TRIP11: variants seen among roughly 807,000 people sequenced by gnomAD.
The protein encoded by TRIP11 is thyroid hormone receptor interactor 11, also known as thyroid receptor-interacting protein 11.
A neutral mutation model predicts 223.1 loss-of-function variants in TRIP11; 148 were observed. The ratio of observed to expected loss-of-function variants is 0.66; its 90% CI spans 0.58 to 0.76. The LOEUF is 0.76. TRIP11 is among the 30% of genes least tolerant of loss of function. The probability of loss-of-function intolerance (pLI) is 0.00; values close to 1 mark genes in which losing one functional copy is unlikely to be tolerated. For missense variants in TRIP11, 2,043 were observed against 2,222.0 expected (o/e 0.92, Z 1.62); for synonymous variants, 762 against 772.6 (o/e 0.99, Z 0.23).
chr14:92,029,647 C>G (rs2057238580), intron 2 of TRIP11, among the ~76,000 whole-genome samples: 1 of 148,534 alleles, frequency 6.7e-6, no homozygotes, highest in Non-Finnish European at 1.5e-5. Context: ...CAGCTGTCTA[C>G]AGACACCACT....
rs1251996329 is a variant in TRIP11 at position 91,999,332 on chromosome 14, C to G, written c.4800G>C (p.Leu1600Phe). 6 of 1,613,756 alleles carry G rather than the reference C, an allele frequency of 3.7e-6. No individual in the cohort carries two copies. Among genetic ancestry groups the G allele is most frequent in the Non-Finnish European group, 5.1e-6 (6 of 1,179,914 alleles). The change falls in exon 13 of 21, where the codon TTG (leucine) becomes TTC (phenylalanine). Residue 1600 changes from leucine (L) to phenylalanine (F), a missense_variant. Physicochemically the swap from Leu to Phe is conservative, Grantham distance 22 (BLOSUM62 0). Coordinates refer to ENST00000267622, the MANE Select transcript of TRIP11 (RefSeq NM_004239.4). ...ESEDSYTREA[L>F]AAEDREAKLR... ...GTTTAGCCTCTCTATCTTCTGCAGC[C>G]AAAGCTTCACGGGTATAAGAATCTT... is the stretch of plus-strand genomic sequence containing the variant.
At chr14:92,014,700 A>G (rs1566866211) in intron 6 of TRIP11, 123 bp from the exon 7 acceptor site, 1 of 1,044,316 alleles carries the variant, frequency 9.6e-7, no homozygotes, top group Non-Finnish European at 1.3e-6. Context: ...TTAAATTACT[A>G]TAATAAACTA....
At chr14:91,996,449 A>G (rs904395692) in intron 13 of TRIP11, among the ~76,000 whole-genome samples, 1 of 152,150 alleles carries the variant, frequency 6.6e-6, no homozygotes, top group Non-Finnish European at 1.5e-5. Context: ...GGCCAAGGCA[A>G]AAGGACTGTT....
chr14:92,006,240 TGCTTGGTTAAATGTAAATCATTTAGG>T lies in TRIP11; in HGVS notation c.1710_1735del (p.Leu571GlufsTer3), dbSNP rs775189690. 6.2e-6 allele frequency: 10 copies of T among 1,613,034 alleles called. No homozygotes were observed. Among genetic ancestry groups the T allele is most frequent in the Non-Finnish European group, 6.8e-6 (8 of 1,179,762 alleles). On this transcript the variant is annotated frameshift_variant, in exon 11 of 21. Coordinates refer to ENST00000267622, the MANE Select transcript of TRIP11 (RefSeq NM_004239.4). LOFTEE classifies it high-confidence loss of function. ...ATTTTCTACTTTGTCCTCAAGTTTC[TGCTTGGTTAAATGTAAATCATTTAGG>T]GCCACTTCACTTTGAATTAGCTTTT... is the stretch of plus-strand genomic sequence containing the variant.
chr14:92,015,606 C>A (rs578133379), intron 6 of TRIP11, 90 bp downstream of exon 6: 68 of 1,137,750 alleles, frequency 6.0e-5, no homozygotes, highest in Non-Finnish European at 5.9e-5. Flanking sequence ...TGCAGTGAGC[C>A]GAGATCGCGC....
intron 9 of TRIP11, among the ~76,000 whole-genome samples, chr14:92,008,155 T>C (rs2056928583): frequency 6.6e-6 from 1 of 152,170 alleles, no homozygotes; most frequent in Non-Finnish European, 1.5e-5. Flanking sequence ...GAGCCTCTCC[T>C]ATCCTGCTCC....
At chr14:92,011,416 G>C (rs1286123804) in intron 8 of TRIP11, among the ~76,000 whole-genome samples, 1 of 149,904 alleles carries the variant, frequency 6.7e-6, no homozygotes, top group African/African-American at 2.5e-5. Context: ...GCTTGAACCT[G>C]GGAGGTGGAG....
In TRIP11 at chr14:92,037,198, A is replaced by G. The variant is rs2057333886; in HGVS notation, c.139+2349T>C. On this transcript the variant is annotated intron_variant, in intron 1 of 20. Transcript: ENST00000267622. This position sits in a 1 kb window ranked among gnomAD's most constrained non-coding sequence, Gnocchi z 4.2. ...ATGTGCCAAAAGGAAGGTGTCACATATTTGGTAATATAAGGAGCAAAAAAA... is the reference window on the plus strand; with the variant it reads ...ATGTGCCAAAAGGAAGGTGTCACATGTTTGGTAATATAAGGAGCAAAAAAA... Among the ~76,000 whole-genome samples the G allele has an allele frequency of 1.3e-5, 2 of 152,202 alleles. No homozygotes were observed. The highest frequency in any genetic ancestry group is 2.9e-5 in the Non-Finnish European group (2 of 68,024).
At chr14:92,034,897 G>T (rs1312636304) in intron 1 of TRIP11, among the ~76,000 whole-genome samples, 1 of 152,198 alleles carries the variant, frequency 6.6e-6, no homozygotes. Flanking sequence ...GCCTCCCAAA[G>T]TGCTGGGATT....
chr14:91,969,504 A>T lies in TRIP11; in HGVS notation c.*169T>A. ...ATTATATAGCAAACACTTGCTCCTGACACCTGCAGTTTCTAAAAGCATTAG... is the reference window on the plus strand; with the variant it reads ...ATTATATAGCAAACACTTGCTCCTGTCACCTGCAGTTTCTAAAAGCATTAG... On this transcript the variant is annotated 3_prime_UTR_variant, in exon 21 of 21. Transcript: ENST00000267622. 2 of 710,972 alleles carry T rather than the reference A, an allele frequency of 2.8e-6. No homozygotes were observed. Among genetic ancestry groups the T allele is most frequent in the Non-Finnish European group, 5.0e-6 (2 of 401,104 alleles). The allele number at this position is 710,972 out of a possible 1,614,324, so 44.0% of individuals were successfully genotyped here.
chr14:91,976,937 T>C lies in TRIP11; in HGVS notation c.5261-748A>G, dbSNP rs943159359. On this transcript the variant is annotated intron_variant, in intron 16 of 20. Coordinates refer to ENST00000267622, the MANE Select transcript of TRIP11 (RefSeq NM_004239.4). ...ATTCAGCCATGCCACAGGGCAAGGA[T>C]TTCTGGACTAAGGAACTCTCAGTCA... Among the ~76,000 whole-genome samples, 4 of 152,352 alleles carry C rather than the reference T, an allele frequency of 2.6e-5. No homozygotes were observed. The East Asian group carries it at 7.7e-4, about 29-fold the overall frequency.
chr14:92,021,473 T>A (rs2057113812), intron 4 of TRIP11, 83 bp downstream of exon 4: 1 of 1,394,606 alleles, frequency 7.2e-7, no homozygotes, highest in Non-Finnish European at 1.0e-6. Flanking sequence ...CTTTCTGATA[T>A]CAAAAGCTCT....
At chr14:91,980,680 T>C (rs1022756958) in intron 16 of TRIP11, among the ~76,000 whole-genome samples, 1 of 151,818 alleles carries the variant, frequency 6.6e-6, no homozygotes, top group African/African-American at 2.4e-5. Flanking sequence ...TTTGTGAGGT[T>C]TTCCCCCCTC....
chr14:92,012,260 G>T (rs539351942), intron 7 of TRIP11, among the ~76,000 whole-genome samples: 5 of 152,070 alleles, frequency 3.3e-5, no homozygotes, highest in Non-Finnish European at 7.4e-5. Flanking sequence ...CTGAGAAAAA[G>T]ACCATTCAAT....
intron 1 of TRIP11, among the ~76,000 whole-genome samples, chr14:92,038,943 C>G (rs2057353220): frequency 6.6e-6 from 1 of 152,132 alleles, no homozygotes; most frequent in African/African-American, 2.4e-5. Flanking sequence ...ATAGGGTTGT[C>G]TTCCCTATTC....
At chr14:92,016,999 G>A (rs561347321) in intron 5 of TRIP11, among the ~76,000 whole-genome samples, 15 of 152,024 alleles carry the variant, frequency 9.9e-5, no homozygotes, top group Non-Finnish European at 1.3e-4. Flanking sequence ...AAATTCTACC[G>A]CTAAGGTAAA....
At position 91,968,847 on chromosome 14, in the gene TRIP11, TAAGGAGAGGGCC is replaced by T. The variant is rs1183731081; in HGVS notation, c.*814_*825del. 3.9e-5 allele frequency: 9 copies of T among 233,158 alleles called. No individual in the cohort carries two copies. The highest frequency in any genetic ancestry group is 7.7e-5 in the Non-Finnish European group (9 of 117,328). 14.4% of individuals were successfully genotyped at this position (233,158 alleles called of 1,614,324 possible). On this transcript the variant is annotated 3_prime_UTR_variant, in exon 21 of 21. Transcript: ENST00000267622. ...AGAACAGTAAGTGGTTGTCAGGGATTAAGGAGAGGGCCAGGGAGAGAGGTGGCAATGATTATG... is the reference window on the plus strand; with the variant it reads ...AGAACAGTAAGTGGTTGTCAGGGATTAGGGAGAGAGGTGGCAATGATTATG...
rs1475176829 is a variant in TRIP11 at position 91,969,226 on chromosome 14, G to A, written c.*447C>T. On this transcript the variant is annotated 3_prime_UTR_variant, in exon 21 of 21. Transcript: ENST00000267622. Reference sequence around the variant, plus strand: ...AGTCCTCTAAAGATGATCAATATATGCTTCAAATCAACTTTCTGCACTATG... The same window carrying A: ...AGTCCTCTAAAGATGATCAATATATACTTCAAATCAACTTTCTGCACTATG... 3.7e-6 allele frequency: 1 copy of A among 273,688 alleles called. No individual in the cohort carries two copies. Among genetic ancestry groups the A allele is most frequent in the Non-Finnish European group, 7.0e-6 (1 of 142,820 alleles). 17.0% of individuals were successfully genotyped at this position (273,688 alleles called of 1,614,324 possible).
At position 92,003,821 on chromosome 14, in the gene TRIP11, T is replaced by C; in HGVS notation, c.4155A>G (p.Arg1385=). 1 of 1,614,174 alleles carries C rather than the reference T, an allele frequency of 6.2e-7. No individual in the cohort carries two copies. Among genetic ancestry groups the C allele is most frequent in the Non-Finnish European group, 8.5e-7 (1 of 1,180,036 alleles). The change falls in exon 11 of 21, where the codon AGA becomes AGG. Residue 1385 remains arginine, a synonymous_variant. Transcript: ENST00000267622. ...CTGAATCGGTTTGTTCGTGTTCTTT[T>C]CTTTCTAGCTCTGAGGTGGCAGCAA... ...DSIAATSELE[R]KEHEQTDSEI...
Sources: allele counts gnomAD v4.1 joint callset (sites outside exome capture counted in the v4.1 genomes callset), GRCh38; gene constraint gnomAD v4.1.1; non-coding constraint Gnocchi (gnomAD v3.1); transcripts MANE v1.5; gene names NCBI Gene and HGNC (gene_info 2026-07-23, HGNC 2026-07-21).